ZNF532: variants seen among roughly 807,000 people sequenced by gnomAD.
ZNF532 encodes zinc finger protein 532.
ZNF532 carries 22 observed loss-of-function variants against 89.3 expected under a neutral mutation model. The ratio of observed to expected loss-of-function variants is 0.25; its 90% CI spans 0.18 to 0.35. The LOEUF is 0.35. ZNF532 is among the 10% of genes least tolerant of loss of function. The pLI, the probability that ZNF532 is intolerant of heterozygous loss-of-function variation, is 1.00. For missense variants in ZNF532, 1,132 were observed against 1,643.4 expected, an observed-to-expected ratio of 0.69 and a Z score of 5.38; for synonymous variants, 606 against 649.6, an observed-to-expected ratio of 0.93 and a Z score of 1.02.
At chr18:58,930,454 C>G (rs972178323) in intron 3 of ZNF532, among the ~76,000 whole-genome samples, 5 of 152,062 alleles carry the variant, frequency 3.3e-5, no homozygotes, top group African/African-American at 4.8e-5. Flanking sequence ...TAGTGAAACC[C>G]TGTCTCTACT....
intron 7 of ZNF532, among the ~76,000 whole-genome samples, chr18:58,959,540 G>A (rs2065147587): frequency 1.3e-5 from 2 of 152,042 alleles, no homozygotes; most frequent in African/African-American, 2.4e-5. Context: ...GCATGAGCCA[G>A]TGCACTCGGC....
intron 7 of ZNF532, among the ~76,000 whole-genome samples, chr18:58,965,847 CAG>C (rs946877318): frequency 1.3e-5 from 2 of 152,166 alleles, no homozygotes; most frequent in Non-Finnish European, 1.5e-5. Context: ...TGGATTGTAG[CAG>C]GGCCTGAGCC....
chr18:58,957,008 A>G (rs2147110960), intron 7 of ZNF532, among the ~76,000 whole-genome samples: 1 of 152,282 alleles, frequency 6.6e-6, no homozygotes, highest in African/African-American at 2.4e-5. Flanking sequence ...GAATTAATAG[A>G]CCAAGAATGA....
intron 3 of ZNF532, among the ~76,000 whole-genome samples, chr18:58,930,886 C>T (rs1164540234): frequency 2.0e-5 from 3 of 151,054 alleles, no homozygotes; most frequent in Admixed American, 6.6e-5. Context: ...TTATTTTTTT[C>T]CCAAATATTT....
chr18:58,888,265 A>G (rs904083458), intron 2 of ZNF532, among the ~76,000 whole-genome samples: 2 of 152,202 alleles, frequency 1.3e-5, no homozygotes, highest in African/African-American at 2.4e-5. Flanking sequence ...AAATCAGTCA[A>G]ATATTAAATC....
intron 2 of ZNF532, among the ~76,000 whole-genome samples, chr18:58,876,010 G>GC (rs2144752688): frequency 7.0e-6 from 1 of 142,614 alleles, no homozygotes; most frequent in East Asian, 2.1e-4. Flanking sequence ...TCGACTCACT[G>GC]CAAGCTCTGC....
At chr18:58,978,312 A>G (rs2067288602) in intron 7 of ZNF532, among the ~76,000 whole-genome samples, 1 of 152,200 alleles carries the variant, frequency 6.6e-6, no homozygotes, top group Non-Finnish European at 1.5e-5. Context: ...CTTCCCTTAT[A>G]TAATGAATAA....
Position 58,984,554 on chromosome 18 carries a change from C to T in ZNF532, c.*88C>T. ...AAAGTTTGCAGTATAATAGAGTTAACAGTACTGTCTAGGCTGTTGCAATAT... is the reference window on the plus strand; with the variant it reads ...AAAGTTTGCAGTATAATAGAGTTAATAGTACTGTCTAGGCTGTTGCAATAT... On this transcript the variant is annotated 3_prime_UTR_variant, in exon 10 of 10. Coordinates refer to ENST00000591808, the MANE Select transcript of ZNF532 (RefSeq NM_001375912.1). 1.4e-6 allele frequency: 2 copies of T among 1,470,664 alleles called. No homozygotes were observed. The highest frequency in any genetic ancestry group is 1.8e-6 in the Non-Finnish European group (2 of 1,099,756). The allele number at this position is 1,470,664 out of a possible 1,614,324, so 91.1% of individuals were successfully genotyped here.
chr18:58,979,425 T>C (rs192180101), intron 8 of ZNF532: 22 of 215,284 alleles, frequency 1.0e-4, no homozygotes, highest in African/African-American at 4.7e-4. Flanking sequence ...TCTCACTCTG[T>C]TGCCCAGGCT....
Position 58,981,504 on chromosome 18 carries a change from CG to C in ZNF532, c.3299del (p.Arg1100LeufsTer2). On this transcript the variant is annotated frameshift_variant, in exon 9 of 10. Coordinates refer to ENST00000591808, the MANE Select transcript of ZNF532 (RefSeq NM_001375912.1). LOFTEE classifies it high-confidence loss of function. ...CPDSRRTFTK[R>X]LMLEKHVQLM... ...AGACTCCAGACGTACCTTTACCAAA[CG>C]TTTGATGCTGGAGAAGCACGTCCAG... is the stretch of plus-strand genomic sequence containing the variant. The C allele has an allele frequency of 6.2e-7, 1 of 1,613,746 alleles. No homozygotes were observed. The highest frequency in any genetic ancestry group is 8.5e-7 in the Non-Finnish European group (1 of 1,179,990).
intron 3 of ZNF532, among the ~76,000 whole-genome samples, chr18:58,924,064 C>T (rs1342056785): frequency 2.6e-5 from 4 of 152,160 alleles, no homozygotes. Flanking sequence ...ACCATGTTGG[C>T]CGGGCTGGTC....
At chr18:58,939,284 CAATT>C (rs1394991688) in intron 4 of ZNF532, among the ~76,000 whole-genome samples, 157 bp from the exon 5 acceptor site, 2 of 75,210 alleles carry the variant, frequency 2.7e-5, no homozygotes, top group Non-Finnish European at 5.9e-5. Context: ...AACCCATAAA[CAATT>C]AAGTTGATTT....
intron 7 of ZNF532, among the ~76,000 whole-genome samples, chr18:58,958,195 T>G (rs927867163): frequency 2.6e-5 from 4 of 152,222 alleles, no homozygotes; most frequent in African/African-American, 9.6e-5. Flanking sequence ...TTTAACTTTT[T>G]TCCAGTTATT....
intron 2 of ZNF532, among the ~76,000 whole-genome samples, chr18:58,870,081 T>C (rs1313295330): frequency 2.7e-5 from 4 of 150,868 alleles, no homozygotes; most frequent in Non-Finnish European, 5.9e-5. Flanking sequence ...TGTTTTTTTT[T>C]TTTTTTTTTT....
chr18:58,948,753 C>G (rs1489731571), intron 6 of ZNF532, among the ~76,000 whole-genome samples: 1 of 151,790 alleles, frequency 6.6e-6, no homozygotes, highest in African/African-American at 2.4e-5. Context: ...TTTTTAGTTT[C>G]ACCATGTTGG....
intron 3 of ZNF532, among the ~76,000 whole-genome samples, chr18:58,925,056 G>A (rs2061419396): frequency 2.0e-5 from 3 of 152,200 alleles, no homozygotes; most frequent in African/African-American, 7.2e-5. Context: ...TGGGGGCTAT[G>A]ATGGATAAAG....
intron 5 of ZNF532, 74 bp downstream of exon 5, chr18:58,939,695 A>G (rs2062812562): frequency 1.4e-6 from 2 of 1,391,404 alleles, no homozygotes; most frequent in South Asian, 1.4e-5. Context: ...TAGTCGTTCT[A>G]TTGAATAACA....
Position 58,984,675 on chromosome 18 carries a change from A to G in ZNF532, c.*209A>G, listed in dbSNP as rs966763195. On this transcript the variant is annotated 3_prime_UTR_variant, in exon 10 of 10. Transcript: ENST00000591808. Reference sequence around the variant, plus strand: ...TTTAAAAGAGTTTGTATATATTTAAATGAATAACTTTTTATACTCTTTGTT... The same window carrying G: ...TTTAAAAGAGTTTGTATATATTTAAGTGAATAACTTTTTATACTCTTTGTT... 2 of 499,840 alleles carry G rather than the reference A, an allele frequency of 4.0e-6. No individual in the cohort carries two copies. The highest frequency in any genetic ancestry group is 3.8e-5 in the African/African-American group (2 of 52,412). 31.0% of individuals were successfully genotyped at this position (499,840 alleles called of 1,614,324 possible).
chr18:58,947,434 A>G (rs2063761412), intron 5 of ZNF532, among the ~76,000 whole-genome samples: 1 of 152,250 alleles, frequency 6.6e-6, no homozygotes, highest in Admixed American at 6.5e-5. Context: ...TGTAGGAGAC[A>G]AGTGAATATT....
Sources: allele counts gnomAD v4.1 joint callset (sites outside exome capture counted in the v4.1 genomes callset), GRCh38; gene constraint gnomAD v4.1.1; transcripts MANE v1.5; gene names NCBI Gene and HGNC (gene_info 2026-07-23, HGNC 2026-07-21).